The following SLC35F1 variants were observed in gnomAD, a reference collection of about 807,000 sequenced individuals.
SLC35F1 encodes solute carrier family 35 member F1, also known as chromosome 6 open reading frame 169.
A neutral mutation model predicts 48.7 loss-of-function variants in SLC35F1; 14 were observed. The ratio of observed to expected loss-of-function variants is 0.29; its 90% CI spans 0.19 to 0.45. The LOEUF (loss-of-function observed/expected upper bound fraction) is 0.45, where lower values mean the gene tolerates loss of function less well. SLC35F1 is among the 20% of genes least tolerant of loss of function. The pLI, the probability that SLC35F1 is intolerant of heterozygous loss-of-function variation, is 1.00. For missense variants in SLC35F1, 404 were observed against 500.0 expected, an observed-to-expected ratio of 0.81 and a Z score of 1.83; for synonymous variants, 190 against 202.2, an observed-to-expected ratio of 0.94 and a Z score of 0.51.
chr6:118,047,316 G>C (rs1378962707), intron 1 of SLC35F1, among the ~76,000 whole-genome samples: 1 of 152,124 alleles, frequency 6.6e-6, no homozygotes, highest in Non-Finnish European at 1.5e-5. Context: ...AAAGGGAATT[G>C]TGTTTGTAGA....
chr6:118,262,491 T>G (rs1001214632), intron 3 of SLC35F1, among the ~76,000 whole-genome samples: 4 of 152,352 alleles, frequency 2.6e-5, no homozygotes, highest in Admixed American at 2.6e-4. Context: ...CTACTTAATG[T>G]TGACTGTCTT....
In SLC35F1 at chr6:118,137,876, C is replaced by G. The variant is rs149373364; in HGVS notation, c.174-16569C>G. 1.2e-3 allele frequency among the ~76,000 whole-genome samples: 186 copies of G among 152,274 alleles called. 1 individual carries two copies. Among genetic ancestry groups the G allele is most frequent in the African/African-American group, 4.4e-3 (184 of 41,550 alleles). ...TTGATAGTTCTGTGCTGTCCTTCCT[C>G]TAGGTAATGTCTGCCTTTACCCCTA... On this transcript the variant is annotated intron_variant, in intron 1 of 7. Transcript: ENST00000360388.
chr6:118,033,293 A>G (rs1209895870), intron 1 of SLC35F1, among the ~76,000 whole-genome samples: 1 of 152,094 alleles, frequency 6.6e-6, no homozygotes, highest in Non-Finnish European at 1.5e-5. Flanking sequence ...TCTTTCTTAC[A>G]TGCTCTGGAT....
At chr6:118,150,098 C>T (rs1027800141) in intron 1 of SLC35F1, among the ~76,000 whole-genome samples, 3 of 152,116 alleles carry the variant, frequency 2.0e-5, no homozygotes, top group Non-Finnish European at 2.9e-5. Context: ...GGGCTGCTTG[C>T]GTAACTTCTC....
At chr6:118,157,863 A>G (rs1027938049) in intron 2 of SLC35F1, among the ~76,000 whole-genome samples, 2 of 152,182 alleles carry the variant, frequency 1.3e-5, no homozygotes, top group Non-Finnish European at 2.9e-5. Context: ...AACACCCTCA[A>G]AGACACACCC....
At chr6:118,054,447 CAAAAT>C in intron 1 of SLC35F1, among the ~76,000 whole-genome samples, 1 of 152,122 alleles carries the variant, frequency 6.6e-6, no homozygotes, top group Admixed American at 6.6e-5. Flanking sequence ...TACTTTGGGA[CAAAAT>C]ATAAAGGTTA....
chr6:118,247,298 A>G (rs1267824400), intron 3 of SLC35F1, among the ~76,000 whole-genome samples: 2 of 152,188 alleles, frequency 1.3e-5, no homozygotes, highest in African/African-American at 2.4e-5. Flanking sequence ...GTGTTATCCC[A>G]GGTAAGACCA....
At chr6:118,080,770 C>G (rs368052814) in intron 1 of SLC35F1, among the ~76,000 whole-genome samples, 3 of 152,170 alleles carry the variant, frequency 2.0e-5, no homozygotes, top group African/African-American at 7.2e-5. Context: ...AATGCATCAT[C>G]TCCTTGCAGG....
In SLC35F1 at chr6:117,915,131, T is replaced by A. The variant is rs1184888403; in HGVS notation, c.173+7232T>A. Among the ~76,000 whole-genome samples the A allele has an allele frequency of 2.6e-5, 4 of 152,184 alleles. No individual in the cohort carries two copies. The East Asian group carries it at 7.7e-4, about 29-fold the overall frequency. ...TGTTTATGCATTGCAGATGGAGAGA[T>A]TTAAAATATGCAAGAGTATATTTTA... On this transcript the variant is annotated intron_variant, in intron 1 of 7. Coordinates refer to ENST00000360388, the MANE Select transcript of SLC35F1 (RefSeq NM_001029858.4).
intron 1 of SLC35F1, among the ~76,000 whole-genome samples, chr6:117,908,799 G>A: frequency 6.6e-6 from 1 of 152,330 alleles, no homozygotes; most frequent in Admixed American, 6.5e-5. Context: ...AATGGGTTTT[G>A]TGTTCTTTTT....
At chr6:118,221,007 A>G (rs1328196805) in intron 2 of SLC35F1, among the ~76,000 whole-genome samples, 1 of 152,172 alleles carries the variant, frequency 6.6e-6, no homozygotes, top group Non-Finnish European at 1.5e-5. Flanking sequence ...ATGTTAGCTT[A>G]TTATTTGGCA....
chr6:117,993,575 T>C (rs1582605404), intron 1 of SLC35F1, among the ~76,000 whole-genome samples: 1 of 152,166 alleles, frequency 6.6e-6, no homozygotes, highest in Admixed American at 6.5e-5. Flanking sequence ...AACAAATGAG[T>C]GTGGACTAAT....
intron 1 of SLC35F1, among the ~76,000 whole-genome samples, chr6:118,014,125 T>C (rs1777288420): frequency 6.6e-6 from 1 of 152,182 alleles, no homozygotes; most frequent in South Asian, 2.1e-4. Flanking sequence ...TGAGTTTCAT[T>C]TTCCTTACTT....
intron 3 of SLC35F1, among the ~76,000 whole-genome samples, chr6:118,259,957 G>A (rs1162401497): frequency 6.6e-6 from 1 of 152,072 alleles, no homozygotes; most frequent in African/African-American, 2.4e-5. Context: ...AATAACCCAA[G>A]AGTGGAAACA....
At chr6:117,970,916 T>A (rs889499795) in intron 1 of SLC35F1, among the ~76,000 whole-genome samples, 2 of 152,166 alleles carry the variant, frequency 1.3e-5, no homozygotes, top group East Asian at 3.9e-4. Flanking sequence ...CCAAATCTTA[T>A]TATTCTGCTT....
At position 117,907,484 on chromosome 6, in the gene SLC35F1, G is replaced by GGGCGGC. The variant is rs1181529550; in HGVS notation, c.-230_-225dup. 6.0e-5 allele frequency: 16 copies of GGGCGGC among 267,606 alleles called. 1 individual carries two copies. The highest frequency in any genetic ancestry group is 1.1e-3 in the Middle Eastern group (1 of 894). 16.6% of individuals were successfully genotyped at this position (267,606 alleles called of 1,614,324 possible). A position where few individuals can be genotyped will look rare whatever the true frequency, so the allele number is the denominator to read the frequency against. On this transcript the variant is annotated 5_prime_UTR_variant, in exon 1 of 8. Transcript: ENST00000360388. ...GACGCGGCTCGGGAAGAGCCGGGGC[G>GGGCGGC]GGCGGCGGCGGCGGCGGCACGGGCG...
At chr6:118,164,581 G>A (rs761412695) in intron 2 of SLC35F1, among the ~76,000 whole-genome samples, 1 of 152,072 alleles carries the variant, frequency 6.6e-6, no homozygotes, top group African/African-American at 2.4e-5. Context: ...TTTCATGTGG[G>A]TTAAGATGAT....
intron 1 of SLC35F1, among the ~76,000 whole-genome samples, chr6:117,990,854 G>A (rs1218785575): frequency 1.3e-5 from 2 of 152,170 alleles, no homozygotes; most frequent in African/African-American, 2.4e-5. Context: ...GCTGCAGTTG[G>A]AGTGTTGGCT....
chr6:118,255,508 T>A (rs955353994), intron 3 of SLC35F1, among the ~76,000 whole-genome samples: 1 of 152,202 alleles, frequency 6.6e-6, no homozygotes, highest in Non-Finnish European at 1.5e-5. Context: ...GCTAGAGAGC[T>A]TGTGTCTAAT....
Sources: gnomAD v4.1 joint callset for allele counts (sites outside exome capture counted in the v4.1 genomes callset) on GRCh38, gnomAD v4.1.1 for gene constraint, MANE v1.5 for transcripts, NCBI Gene and HGNC (gene_info 2026-07-23, HGNC 2026-07-21) for gene names.